HBP1: variants seen among roughly 807,000 people sequenced by gnomAD.
HBP1 encodes HMG box-containing protein 1.
Under a neutral mutation model 62.6 loss-of-function variants are expected in HBP1, and 20 were observed. The ratio of observed to expected loss-of-function variants is 0.32; its 90% CI spans 0.22 to 0.46. The LOEUF (loss-of-function observed/expected upper bound fraction) is 0.46, where lower values mean the gene tolerates loss of function less well. Among genes scored for constraint, HBP1 ranks in the 20% least tolerant of loss-of-function variants. The probability of loss-of-function intolerance (pLI) is 1.00; values close to 1 mark genes in which losing one functional copy is unlikely to be tolerated. For synonymous variants in HBP1, 232 were observed against 206.2 expected (o/e 1.12, Z -1.07); for missense variants, 480 against 611.8 (o/e 0.78, Z 2.27).
chr7:107,170,848 T>G (rs988546711), intron 1 of HBP1, among the ~76,000 whole-genome samples: 5 of 150,170 alleles, frequency 3.3e-5, no homozygotes, highest in African/African-American at 1.2e-4. Context: ...TCCTGTGTGC[T>G]TCACAGGGCA....
At position 107,186,432 on chromosome 7, in the gene HBP1, C is replaced by T. The variant is rs1160282870; in HGVS notation, c.612C>T (p.Cys204=). 1.1e-5 allele frequency: 17 copies of T among 1,612,788 alleles called. No homozygotes were observed. The highest frequency in any genetic ancestry group is 1.3e-5 in the African/African-American group (1 of 74,892). ...CAGATGATGATGATTTGGGATGGTGCAATTCCTGGCCTTCAACTGTCTGGC... is the reference window on the plus strand; with the variant it reads ...CAGATGATGATGATTTGGGATGGTGTAATTCCTGGCCTTCAACTGTCTGGC... ...SLSDDDDLGW[C]NSWPSTVWHC... is the part of the protein sequence containing the mutation. The change falls in exon 5 of 11, where the codon TGC becomes TGT. Residue 204 remains cysteine, a synonymous_variant. Transcript: ENST00000222574.
chr7:107,169,963 T>C, intron 1 of HBP1: 14 of 985,534 alleles, frequency 1.4e-5, no homozygotes, highest in Non-Finnish European at 1.7e-5. Context: ...CGCAGGCCGA[T>C]TGAAACAAAA....
intron 1 of HBP1, among the ~76,000 whole-genome samples, chr7:107,171,848 A>T: frequency 6.9e-6 from 1 of 145,206 alleles, no homozygotes; most frequent in African/African-American, 2.6e-5. Context: ...CATCAGAACG[A>T]GACTTCCTCT....
chr7:107,190,084 A>G, intron 7 of HBP1, 89 bp from the exon 8 acceptor site: 1 of 931,972 alleles, frequency 1.1e-6, no homozygotes, highest in South Asian at 2.1e-5. Flanking sequence ...ATAACATTTT[A>G]TTTTTAAGAT....
chr7:107,170,026 C>A (rs933002982), intron 1 of HBP1: 1 of 985,450 alleles, frequency 1.0e-6, no homozygotes, highest in Non-Finnish European at 1.2e-6. Context: ...TTAAATGCTG[C>A]GTGCTGTCTA....
chr7:107,199,923 A>G (rs1184887887), intron 9 of HBP1, among the ~76,000 whole-genome samples: 1 of 152,244 alleles, frequency 6.6e-6, no homozygotes, highest in African/African-American at 2.4e-5. Context: ...TACGGGCACA[A>G]ATAGATTAGC....
rs761255063 is a variant in HBP1 at position 107,179,951 on chromosome 7, G to C, written c.58G>C (p.Val20Leu). The C allele has an allele frequency of 5.0e-6, 8 of 1,611,278 alleles. No individual in the cohort carries two copies. Among genetic ancestry groups the C allele is most frequent in the Non-Finnish European group, 6.8e-6 (8 of 1,177,602 alleles). ...TAATGCAGTACAGAAACTCCTGTTG[G>C]TGATGGACAAGAGAGCCTCAGGAAT... Reference protein sequence around the residue: ...MPNAVQKLLLVMDKRASGMND... With the variant: ...MPNAVQKLLLLMDKRASGMND... The change falls in exon 2 of 11, where the codon GTG becomes CTG. Residue 20 changes from valine (V) to leucine (L), a missense_variant. Physicochemically the swap from Val to Leu is conservative, Grantham distance 32. This residue lies in a region of HBP1 where 304 missense variants were observed against 330.9 expected (regional missense o/e 0.92). Coordinates refer to ENST00000222574, the MANE Select transcript of HBP1 (RefSeq NM_012257.4).
chr7:107,172,552 ACTC>A (rs1796650966), intron 1 of HBP1, among the ~76,000 whole-genome samples: 1 of 152,112 alleles, frequency 6.6e-6, no homozygotes, highest in Non-Finnish European at 1.5e-5. Context: ...AATTGACAGT[ACTC>A]CTAAAACAGT....
rs563780275 is a variant in HBP1, at chr7:107,195,807, ATAT to A, written c.1068-19_1068-17del. The A allele has an allele frequency of 3.8e-4, 410 of 1,066,432 alleles. 4 individuals carry two copies. In the South Asian group the frequency reaches 6.3e-3, roughly 16 times the overall value. The allele number at this position is 1,066,432 out of a possible 1,614,324, so 66.1% of individuals were successfully genotyped here. On this transcript the variant is annotated intron_variant, in intron 8 of 10. Transcript: ENST00000222574. ...TCAGAGAATTCAAAATTGAATTAAA[ATAT>A]TATTATTTTTTTTAATTTTATAGCT...
Position 107,169,790 on chromosome 7 carries a change from C to G in HBP1, c.-16+605C>G, listed in dbSNP as rs368726471. ...CCGAGGGGAAAAACAAGCCCGGAGT[C>G]CGGGCTGCGGTCACATGATGGGGGG... On this transcript the variant is annotated intron_variant, in intron 1 of 10. Transcript: ENST00000222574. The G allele has an allele frequency of 4.6e-5, 45 of 984,782 alleles. 1 individual carries two copies. In the East Asian group the frequency reaches 4.1e-3, roughly 91 times the overall value. The allele number at this position is 984,782 out of a possible 1,614,324, so 61.0% of individuals were successfully genotyped here. A position where few individuals can be genotyped will look rare whatever the true frequency, so the allele number is the denominator to read the frequency against.
chr7:107,202,169 CATTGT>C lies in HBP1; in HGVS notation c.*742_*746del, dbSNP rs1396808582. ...GGTGCTATTAACAAACAGTCAACAC[CATTGT>C]ATTTTTTAACTTCGTGTTCTGTATC... On this transcript the variant is annotated 3_prime_UTR_variant, in exon 11 of 11. Transcript: ENST00000222574. 1.3e-5 allele frequency: 2 copies of C among 152,632 alleles called. No homozygotes were observed. Among genetic ancestry groups the C allele is most frequent in the Non-Finnish European group, 2.9e-5 (2 of 68,030 alleles). 9.5% of individuals were successfully genotyped at this position (152,632 alleles called of 1,614,324 possible). A position where few individuals can be genotyped will look rare whatever the true frequency, so the allele number is the denominator to read the frequency against.
chr7:107,171,832 C>T (rs1348667345), intron 1 of HBP1, among the ~76,000 whole-genome samples: 1 of 147,110 alleles, frequency 6.8e-6, no homozygotes, highest in African/African-American at 2.5e-5. Flanking sequence ...TGTACTCCAG[C>T]CTGGGCATCA....
chr7:107,197,416 T>C (rs191318716), intron 9 of HBP1, among the ~76,000 whole-genome samples: 268 of 152,350 alleles, frequency 1.8e-3, no homozygotes, highest in Non-Finnish European at 3.4e-3. Flanking sequence ...TCATCCAGGC[T>C]GGAGTGTAGT....
chr7:107,181,077 T>C (rs566033053), intron 2 of HBP1, among the ~76,000 whole-genome samples: 126 of 152,218 alleles, frequency 8.3e-4, no homozygotes, highest in Middle Eastern at 3.4e-3. Context: ...AATTGTAGGG[T>C]AGAATTATTT....
chr7:107,185,532 A>G (rs1262770139), intron 3 of HBP1, among the ~76,000 whole-genome samples: 2 of 152,246 alleles, frequency 1.3e-5, no homozygotes, highest in East Asian at 3.8e-4. Context: ...TGATAGAAAA[A>G]TGAATGGGAT....
rs572196663 is a variant in HBP1 at position 107,189,192 on chromosome 7, T to C, written c.766-100T>C. 2.2e-5 allele frequency: 22 copies of C among 990,654 alleles called. No individual in the cohort carries two copies. The South Asian group carries it at 3.7e-4, about 17-fold the overall frequency. 61.4% of individuals were successfully genotyped at this position (990,654 alleles called of 1,614,324 possible). A position where few individuals can be genotyped will look rare whatever the true frequency, so the allele number is the denominator to read the frequency against. On this transcript the variant is annotated intron_variant, in intron 6 of 10. Coordinates refer to ENST00000222574, the MANE Select transcript of HBP1 (RefSeq NM_012257.4). ...TTTAATGGCAGGGATCCTGTCTTGG[T>C]TATTTTTACCTTTTCCACAAAGTCT... is the stretch of plus-strand genomic sequence containing the variant.
chr7:107,172,423 AATG>A (rs1331972724), intron 1 of HBP1, among the ~76,000 whole-genome samples: 2 of 152,160 alleles, frequency 1.3e-5, no homozygotes, highest in African/African-American at 2.4e-5. Flanking sequence ...CTCCATAGAA[AATG>A]ATAATAGAAA....
At chr7:107,178,297 T>G (rs1001879923) in intron 1 of HBP1, among the ~76,000 whole-genome samples, 1 of 152,192 alleles carries the variant, frequency 6.6e-6, no homozygotes, top group Non-Finnish European at 1.5e-5. Context: ...AGGCATGAGC[T>G]ACTGCATCAG....
At chr7:107,180,391 C>G (rs552174787) in intron 2 of HBP1, among the ~76,000 whole-genome samples, 11 of 152,338 alleles carry the variant, frequency 7.2e-5, no homozygotes, top group Non-Finnish European at 1.5e-4. Context: ...TGCTTAGCCA[C>G]TCTTCGTGGC....
Sources: gnomAD v4.1 joint callset for allele counts (sites outside exome capture counted in the v4.1 genomes callset) on GRCh38, gnomAD v4.1.1 for gene constraint, gnomAD v4.1.1 regional missense constraint, MANE v1.5 for transcripts, NCBI Gene and HGNC (gene_info 2026-07-23, HGNC 2026-07-21) for gene names.